The following DNAH7 variants were observed in gnomAD, a reference collection of about 807,000 sequenced individuals.
DNAH7 encodes axonemal beta dynein heavy chain 7.
Under a neutral mutation model 444.6 loss-of-function variants are expected in DNAH7, and 397 were observed. The ratio of observed to expected loss-of-function variants is 0.89; its 90% CI spans 0.82 to 0.97. The LOEUF is 0.97. Among genes scored for constraint, DNAH7 ranks in the 50% least tolerant of loss-of-function variants. DNAH7 has a pLI of 0.00. For missense variants in DNAH7, 4,902 were observed against 4,800.8 expected, an observed-to-expected ratio of 1.02 and a Z score of -0.62; for synonymous variants, 1,636 against 1,624.4, an observed-to-expected ratio of 1.01 and a Z score of -0.17.
At chr2:195,799,273 T>C (rs7567285) in intron 55 of DNAH7, 23 bp downstream of exon 55, 901,356 of 1,445,804 alleles carry the variant, frequency 0.62, 287,303 homozygotes, top group Non-Finnish European at 0.66. Flanking sequence ...TAATATCCGA[T>C]AACTTCATCT....
intron 19 of DNAH7, among the ~76,000 whole-genome samples, chr2:195,937,195 ATT>A (rs1347410288): frequency 6.6e-6 from 1 of 152,208 alleles, no homozygotes; most frequent in East Asian, 1.9e-4. Flanking sequence ...TTTGAATTTT[ATT>A]GTTATGAATA....
Position 195,771,789 on chromosome 2 carries a change from A to C in DNAH7, c.11304T>G (p.Ala3768=). ...GKLPNNFDIE[A]AMRRYPTTYT... ...AAGTTGTTGGGTACCTCCTCATGGC[A>C]GCCTCGATGTCGAAGTTGTTTGGAA... Residue 3768 remains alanine, a synonymous_variant, in exon 61 of 65, where the codon GCT becomes GCG. Coordinates refer to ENST00000312428, the MANE Select transcript of DNAH7 (RefSeq NM_018897.3). 6.2e-7 allele frequency: 1 copy of C among 1,614,178 alleles called. No individual in the cohort carries two copies. Among genetic ancestry groups the C allele is most frequent in the Middle Eastern group, 1.6e-4 (1 of 6,062 alleles).
intron 1 of DNAH7, among the ~76,000 whole-genome samples, 191 bp from the exon 2 acceptor site, chr2:196,058,307 A>G (rs561670364): frequency 6.6e-6 from 1 of 152,356 alleles, no homozygotes; most frequent in East Asian, 1.9e-4. Flanking sequence ...AAGCTAGTCA[A>G]TGAGTTCTTG....
intron 58 of DNAH7, among the ~76,000 whole-genome samples, chr2:195,779,230 T>C (rs1031321336): frequency 4.6e-5 from 7 of 152,258 alleles, no homozygotes; most frequent in African/African-American, 7.2e-5. Flanking sequence ...TTTTAATAAC[T>C]GTTTTCTAAT....
chr2:195,972,513 T>C (rs767042155), intron 15 of DNAH7, 47 bp from the exon 16 acceptor site: 3 of 1,426,524 alleles, frequency 2.1e-6, no homozygotes, highest in South Asian at 2.3e-5. Flanking sequence ...GAACAGCTCA[T>C]GTCACGAAAC....
At chr2:195,803,082 T>C (rs1312398063) in intron 54 of DNAH7, among the ~76,000 whole-genome samples, 1 of 152,252 alleles carries the variant, frequency 6.6e-6, no homozygotes, top group African/African-American at 2.4e-5. Flanking sequence ...GGACTTGGCC[T>C]TACCCTTTTC....
intron 15 of DNAH7, among the ~76,000 whole-genome samples, chr2:195,977,369 A>T (rs1226961777): frequency 1.3e-5 from 2 of 152,194 alleles, no homozygotes; most frequent in African/African-American, 4.8e-5. Flanking sequence ...TGAAGAATGC[A>T]TCAGACTCTT....
intron 19 of DNAH7, among the ~76,000 whole-genome samples, chr2:195,944,508 C>A (rs1411277454): frequency 4.6e-5 from 7 of 152,136 alleles, no homozygotes; most frequent in African/African-American, 1.7e-4. Context: ...TTATCTACAC[C>A]TCTGCCAAGG....
At chr2:195,958,858 C>T (rs1235102329) in intron 18 of DNAH7, among the ~76,000 whole-genome samples, 1 of 152,120 alleles carries the variant, frequency 6.6e-6, no homozygotes, top group Non-Finnish European at 1.5e-5. Context: ...AAGTGCCAGG[C>T]TCAAGTTTAG....
chr2:196,060,583 C>T (rs1389219000), intron 1 of DNAH7, among the ~76,000 whole-genome samples: 1 of 142,508 alleles, frequency 7.0e-6, no homozygotes, highest in African/African-American at 3.1e-5. Flanking sequence ...TTTGTTCTCT[C>T]CCTATTATTT....
intron 40 of DNAH7, among the ~76,000 whole-genome samples, chr2:195,868,645 A>G (rs1434091684): frequency 6.7e-6 from 1 of 148,538 alleles, no homozygotes; most frequent in Non-Finnish European, 1.5e-5. Context: ...ATCCCATTCT[A>G]TATATTGTCT....
At chr2:195,922,053 T>C (rs1302785346) in intron 24 of DNAH7, 35 bp downstream of exon 24, 1 of 1,276,696 alleles carries the variant, frequency 7.8e-7, no homozygotes, top group Non-Finnish European at 1.1e-6. Context: ...TGAGTGAAAG[T>C]TATTTCCAAT....
chr2:195,847,055 C>T (rs1002315058), intron 46 of DNAH7, among the ~76,000 whole-genome samples: 6 of 137,526 alleles, frequency 4.4e-5, no homozygotes, highest in Admixed American at 1.4e-4. Flanking sequence ...ACTTTATAAA[C>T]TCCCATATAT....
intron 47 of DNAH7, among the ~76,000 whole-genome samples, chr2:195,838,463 G>GA (rs560817517): frequency 1.7e-4 from 26 of 149,094 alleles, no homozygotes; most frequent in Middle Eastern, 3.5e-3. Flanking sequence ...ATTCTCAGGA[G>GA]AAAAAAAAAC....
intron 27 of DNAH7, chr2:195,903,804 G>C (rs1192791515): frequency 6.6e-6 from 1 of 151,992 alleles, no homozygotes; most frequent in African/African-American, 2.4e-5. Context: ...CCTTTGAAGG[G>C]AGCTGTCGTT....
At chr2:195,872,124 TTC>T in intron 40 of DNAH7, 124 bp downstream of exon 40, 5 of 785,646 alleles carry the variant, frequency 6.4e-6, no homozygotes, top group Non-Finnish European at 9.8e-6. Flanking sequence ...AACACTGGCC[TTC>T]AAAATGCCAA....
chr2:196,003,661 G>A (rs1694186953), intron 10 of DNAH7, among the ~76,000 whole-genome samples: 4 of 152,160 alleles, frequency 2.6e-5, no homozygotes, highest in Admixed American at 2.6e-4. Context: ...CATTTAGGCT[G>A]GGTATTGAAG....
rs1337191180 is a variant in DNAH7 at position 195,936,327 on chromosome 2, TCG to T, written c.3272+270_3272+271del. On this transcript the variant is annotated intron_variant, in intron 20 of 64. Transcript: ENST00000312428. The stretch of plus-strand genomic sequence containing the variant: ...AGGCGGAGGTTGCAGTGAGCCAAGG[TCG>T]CGCCATTGCACTCCAGCCTGGGAAA... Among the ~76,000 whole-genome samples the T allele has an allele frequency of 7.2e-5, 11 of 152,124 alleles. No homozygotes were observed. The South Asian group carries it at 2.3e-3, about 32-fold the overall frequency.
At chr2:195,789,248 A>T (rs1340882348) in intron 57 of DNAH7, among the ~76,000 whole-genome samples, 1 of 152,162 alleles carries the variant, frequency 6.6e-6, no homozygotes, top group Admixed American at 6.5e-5. Context: ...CTCTGGAAGA[A>T]TCTGAGTACC....
Sources: allele counts gnomAD v4.1 joint callset (sites outside exome capture counted in the v4.1 genomes callset), GRCh38; gene constraint gnomAD v4.1.1; transcripts MANE v1.5; gene names NCBI Gene and HGNC (gene_info 2026-07-23, HGNC 2026-07-21).